The following PALB2 variants were observed in gnomAD, a reference collection of about 807,000 sequenced individuals.
PALB2 encodes partner and localizer of BRCA2.
A neutral mutation model predicts 107.4 loss-of-function variants in PALB2; 82 were observed. That is an observed-to-expected ratio of 0.76 (90% CI 0.64 to 0.92). PALB2 has a LOEUF of 0.92. Ranked by LOEUF, PALB2 falls within the 40% of genes least tolerant of loss-of-function variation. PALB2 has a pLI of 0.00. For synonymous variants in PALB2, 489 were observed against 496.8 expected, an observed-to-expected ratio of 0.98 and a Z score of 0.21; for missense variants, 1,374 against 1,379.9, an observed-to-expected ratio of 1.00 and a Z score of 0.07.
intron 12 of PALB2, chr16:23,605,979 T>C (rs142145592): frequency 1.3e-5 from 2 of 152,334 alleles, no homozygotes; most frequent in Non-Finnish European, 2.9e-5. Context: ...CTTTGTTGTT[T>C]AAAGGCTACC....
rs1433680345 is a variant in PALB2 at position 23,630,075 on chromosome 16, A to G, written c.2079T>C (p.His693=). The change falls in exon 5 of 13, where the codon CAT becomes CAC. Residue 693 remains histidine, a synonymous_variant. Coordinates refer to ENST00000261584, the MANE Select transcript of PALB2 (RefSeq NM_024675.4). ...TGGATGAAGAAAGGCCCGTCTTTGT[A>G]TGCTGGCTTTGCGAGTTTGGCCTTT... ...HPKRPNSQSQ[H]TKTGLSSSIL... is the part of the protein sequence containing the mutation. The G allele has an allele frequency of 1.2e-6, 2 of 1,614,082 alleles. No homozygotes were observed. Among genetic ancestry groups the G allele is most frequent in the African/African-American group, 2.7e-5 (2 of 74,928 alleles).
intron 4 of PALB2, among the ~76,000 whole-genome samples, chr16:23,634,009 T>TA (rs1173608555): frequency 6.6e-6 from 1 of 151,998 alleles, no homozygotes; most frequent in Admixed American, 6.6e-5. Context: ...AAGCCCAACA[T>TA]AGAGTCTTCC....
rs1275965196 is a variant in PALB2, at chr16:23,627,473, G to A, written c.2587-1076C>T. Among the ~76,000 whole-genome samples, 5 of 135,184 alleles carry A rather than the reference G, an allele frequency of 3.7e-5. No individual in the cohort carries two copies. In the South Asian group the frequency reaches 6.9e-4, roughly 19 times the overall value. The allele number at this position is 135,184 out of a possible 152,430, so 88.7% of individuals were successfully genotyped here. ...CTGCAGTCCGCAGTCCAGCCTGGGC[G>A]ACAGAGCAAGACTCCGTCTCAAAAA... On this transcript the variant is annotated intron_variant, in intron 6 of 12. Transcript: ENST00000261584.
intron 11 of PALB2, among the ~76,000 whole-genome samples, chr16:23,612,295 G>A (rs533829269): frequency 2.2e-4 from 34 of 152,202 alleles, no homozygotes; most frequent in African/African-American, 7.5e-4. Context: ...TCGGCTCACT[G>A]CAACCTCCAC....
At chr16:23,608,730 G>A (rs1184015684) in intron 11 of PALB2, among the ~76,000 whole-genome samples, 4 of 151,630 alleles carry the variant, frequency 2.6e-5, no homozygotes, top group Admixed American at 6.6e-5. Flanking sequence ...GTGAGAAAAT[G>A]TGTTAAAGTT....
rs1022684317 is a variant in PALB2, at chr16:23,639,726, A to C, written c.48+1384T>G. Among the ~76,000 whole-genome samples, 16 of 151,288 alleles carry C rather than the reference A, an allele frequency of 1.1e-4. 1 individual carries two copies. Among genetic ancestry groups the C allele is most frequent in the African/African-American group, 3.9e-4 (16 of 41,132 alleles). ...TCCCAACTACTCGGGAGGCTGAGGC[A>C]GGAGAATCGCTTGAACCTGAGAGGC... On this transcript the variant is annotated intron_variant, in intron 1 of 12. Coordinates refer to ENST00000261584, the MANE Select transcript of PALB2 (RefSeq NM_024675.4).
rs1057523633 is a variant in PALB2 at position 23,623,064 on chromosome 16, T to C, written c.2901A>G (p.Lys967=). Reference sequence around the variant, plus strand: ...TCCTCTTTGTCAGGCCAAGCACAGCTTTTATATTTCCAGACTTCAGTAGTA... The same window carrying C: ...TCCTCTTTGTCAGGCCAAGCACAGCCTTTATATTTCCAGACTTCAGTAGTA... The part of the protein sequence containing the change: ...KQVLLKSGNI[K]AVLGLTKRRL... Residue 967 remains lysine (K), a synonymous_variant, in exon 9 of 13, where the codon AAA becomes AAG. Coordinates refer to ENST00000261584, the MANE Select transcript of PALB2 (RefSeq NM_024675.4). 2 of 1,614,110 alleles carry C rather than the reference T, an allele frequency of 1.2e-6. No individual in the cohort carries two copies. The highest frequency in any genetic ancestry group is 8.5e-7 in the Non-Finnish European group (1 of 1,179,978).
At chr16:23,637,977 G>C (rs2142458397) in intron 2 of PALB2, 25 bp from the exon 3 acceptor site, 1 of 1,606,588 alleles carries the variant, frequency 6.2e-7, no homozygotes, top group Non-Finnish European at 8.5e-7. Flanking sequence ...AACAGCCCCA[G>C]AAATACGTTT....
intron 11 of PALB2, among the ~76,000 whole-genome samples, chr16:23,608,345 G>A (rs1190121466): frequency 6.6e-6 from 1 of 151,814 alleles, no homozygotes; most frequent in Admixed American, 6.6e-5. Context: ...GTCAGCCACC[G>A]CGCTCAGCCA....
intron 4 of PALB2, among the ~76,000 whole-genome samples, chr16:23,632,070 A>G (rs1244996362): frequency 6.6e-6 from 1 of 152,232 alleles, no homozygotes; most frequent in Non-Finnish European, 1.5e-5. Flanking sequence ...TGTGGTATAT[A>G]CATACAATGG....
At chr16:23,611,527 C>T (rs1217219465) in intron 11 of PALB2, among the ~76,000 whole-genome samples, 1 of 151,380 alleles carries the variant, frequency 6.6e-6, no homozygotes, top group East Asian at 1.9e-4. Flanking sequence ...GGCACACTCT[C>T]GGCTCACTAC....
chr16:23,614,107 T>A lies in PALB2; in HGVS notation c.3114-16A>T, dbSNP rs778244808. 2.6e-6 allele frequency: 4 copies of A among 1,532,186 alleles called. No individual in the cohort carries two copies. The highest frequency in any genetic ancestry group is 3.6e-6 in the Non-Finnish European group (4 of 1,106,850). 94.9% of individuals were successfully genotyped at this position (1,532,186 alleles called of 1,614,324 possible). On this transcript the variant is annotated splice_polypyrimidine_tract_variant and intron_variant, in intron 10 of 12. Transcript: ENST00000261584. ...TTTTAAATTCCTTAGATAACAAAAA[T>A]AAATAAGCTGATCACATTCTTCCAA... is the stretch of plus-strand genomic sequence containing the variant.
chr16:23,623,829 T>A, intron 8 of PALB2, 180 bp downstream of exon 8: 1 of 611,470 alleles, frequency 1.6e-6, no homozygotes, highest in East Asian at 2.8e-5. Flanking sequence ...TAGGTTCACA[T>A]TTTAAATAGA....
chr16:23,634,480 C>T (rs1966933069), intron 4 of PALB2, among the ~76,000 whole-genome samples: 2 of 152,058 alleles, frequency 1.3e-5, no homozygotes, highest in South Asian at 2.1e-4. Flanking sequence ...CAGGACCTCA[C>T]CTCTACAAAA....
At position 23,623,998 on chromosome 16, in the gene PALB2, G is replaced by A. The variant is rs755983937; in HGVS notation, c.2834+11C>T. On this transcript the variant is annotated intron_variant, in intron 8 of 12. Coordinates refer to ENST00000261584, the MANE Select transcript of PALB2 (RefSeq NM_024675.4). ...GAAGGAAAAACAAATCACTCCTTGG[G>A]AATTACATACCTGATCTCTCTGATT... 3.9e-6 allele frequency: 6 copies of A among 1,552,230 alleles called. No homozygotes were observed. The East Asian group carries it at 1.3e-4, about 35-fold the overall frequency.
At chr16:23,616,631 C>T (rs1467912219) in intron 10 of PALB2, among the ~76,000 whole-genome samples, 2 of 151,960 alleles carry the variant, frequency 1.3e-5, no homozygotes, top group Non-Finnish European at 2.9e-5. Flanking sequence ...TTCATCTCTG[C>T]ATCTCTCACA....
Position 23,630,133 on chromosome 16 carries a change from T to G in PALB2, c.2021A>C (p.Asp674Ala), listed in dbSNP as rs1064793726. 6.2e-7 allele frequency: 1 copy of G among 1,614,118 alleles called. No homozygotes were observed. Among genetic ancestry groups the G allele is most frequent in the Non-Finnish European group, 8.5e-7 (1 of 1,180,026 alleles). Residue 674 changes from aspartate (D) to alanine (A), a missense_variant, in exon 5 of 13, where the codon GAC becomes GCC. Physicochemically the swap from Asp to Ala is moderately radical, Grantham distance 126. Transcript: ENST00000261584. ...MDTEMEDLEE[D>A]LIVLPGKSHP... ...TGATTTTCCTGGTAGAACAATAAGG[T>G]CCTCTTCTAAGTCCTCCATTTCTGT...
At chr16:23,615,235 C>T (rs1044418773) in intron 10 of PALB2, among the ~76,000 whole-genome samples, 2 of 150,922 alleles carry the variant, frequency 1.3e-5, no homozygotes, top group Admixed American at 1.3e-4. Flanking sequence ...AGGCACGAGC[C>T]ACTGCACCTG....
intron 5 of PALB2, 60 bp downstream of exon 5, chr16:23,629,580 T>A: frequency 6.6e-7 from 1 of 1,512,932 alleles, no homozygotes; most frequent in Non-Finnish European, 9.2e-7. Flanking sequence ...TCATGCTGTT[T>A]ACATTCACTA....
Sources: allele counts gnomAD v4.1 joint callset (sites outside exome capture counted in the v4.1 genomes callset), GRCh38; gene constraint gnomAD v4.1.1; transcripts MANE v1.5; gene names NCBI Gene and HGNC (gene_info 2026-07-23, HGNC 2026-07-21).